LMNB2: variants seen among roughly 807,000 people sequenced by gnomAD.
LMNB2 encodes the protein lamin-B2.
A neutral mutation model predicts 69.3 loss-of-function variants in LMNB2; 17 were observed. The observed-to-expected ratio is 0.25, with a 90% CI of 0.17 to 0.37. The LOEUF (loss-of-function observed/expected upper bound fraction) is 0.37. LMNB2 is among the 10% of genes least tolerant of loss of function. The pLI, the probability that LMNB2 is intolerant of heterozygous loss-of-function variation, is 1.00. For synonymous variants in LMNB2, 397 were observed against 389.3 expected (o/e 1.02, Z -0.23); for missense variants, 789 against 883.6 (o/e 0.89, Z 1.36).
chr19:2,431,970 G>A, intron 9 of LMNB2, 68 bp from the exon 10 acceptor site: 1 of 1,550,304 alleles, frequency 6.5e-7, no homozygotes, highest in Non-Finnish European at 8.7e-7. Context: ...CCAGCCAGTG[G>A]CCCCTACCAC....
chr19:2,440,310 C>T (rs530617057), intron 2 of LMNB2, among the ~76,000 whole-genome samples: 194 of 151,900 alleles, frequency 1.3e-3, no homozygotes, highest in Non-Finnish European at 2.2e-3. Flanking sequence ...CCTCCCTCAG[C>T]CTCCCAAGTA....
At chr19:2,451,562 G>A (rs1455879920) in intron 1 of LMNB2, among the ~76,000 whole-genome samples, 2 of 152,266 alleles carry the variant, frequency 1.3e-5, no homozygotes, top group East Asian at 1.9e-4. Context: ...GGGGCAGGAC[G>A]GCCTCCTTGT....
At chr19:2,447,000 C>T (rs1436629894) in intron 1 of LMNB2, among the ~76,000 whole-genome samples, 1 of 151,830 alleles carries the variant, frequency 6.6e-6, no homozygotes, top group East Asian at 1.9e-4. Context: ...AAAAATTAGC[C>T]AGGCGTGGTG....
chr19:2,439,238 C>T (rs1360354556), intron 2 of LMNB2, among the ~76,000 whole-genome samples: 4 of 151,966 alleles, frequency 2.6e-5, no homozygotes, highest in Admixed American at 2.0e-4. Flanking sequence ...ATTTTACCCC[C>T]TCCCGACAGG....
In LMNB2 at chr19:2,431,910, C is replaced by T. The variant is rs768411938; in HGVS notation, c.1591-8G>A. The T allele has an allele frequency of 1.6e-5, 25 of 1,609,022 alleles. No individual in the cohort carries two copies. The highest frequency in any genetic ancestry group is 2.1e-5 in the Non-Finnish European group (25 of 1,179,558). On this transcript the variant is annotated splice_polypyrimidine_tract_variant and splice_region_variant and intron_variant, in intron 9 of 11. Coordinates refer to ENST00000325327, the MANE Select transcript of LMNB2 (RefSeq NM_032737.4). ...CGCACCAGCTGCCCACACCTGAGGACCCAATAACAATGGCCCCATCAGGGT... is the reference window on the plus strand; with the variant it reads ...CGCACCAGCTGCCCACACCTGAGGATCCAATAACAATGGCCCCATCAGGGT...
At chr19:2,451,937 G>A (rs1286329763) in intron 1 of LMNB2, among the ~76,000 whole-genome samples, 1 of 151,720 alleles carries the variant, frequency 6.6e-6, no homozygotes, top group Non-Finnish European at 1.5e-5. Context: ...CGGGGCAGGG[G>A]AAGACAGAAG....
intron 2 of LMNB2, among the ~76,000 whole-genome samples, chr19:2,444,198 T>C (rs1283088853): frequency 6.6e-6 from 1 of 152,204 alleles, no homozygotes; most frequent in Non-Finnish European, 1.5e-5. Flanking sequence ...CTGCGCTTCC[T>C]GCTGTCCGAT....
At chr19:2,454,310 AAAAG>A (rs1482781288) in intron 1 of LMNB2, among the ~76,000 whole-genome samples, 2 of 151,068 alleles carry the variant, frequency 1.3e-5, no homozygotes, top group Non-Finnish European at 3.0e-5. Flanking sequence ...AAAAAAAAAA[AAAAG>A]AAAGAAAAGC....
chr19:2,436,140 C>T (rs982493992), intron 4 of LMNB2, among the ~76,000 whole-genome samples: 1 of 151,738 alleles, frequency 6.6e-6, no homozygotes, highest in African/African-American at 2.4e-5. Context: ...AAAAATTAGT[C>T]GGGTTGGTGG....
chr19:2,442,070 G>A (rs1455323799), intron 2 of LMNB2, among the ~76,000 whole-genome samples: 1 of 152,196 alleles, frequency 6.6e-6, no homozygotes, highest in African/African-American at 2.4e-5. Context: ...CTGGGTGCCC[G>A]GGGTTTTGTG....
Position 2,450,121 on chromosome 19 carries a change from CAT to C in LMNB2, c.265-5583_265-5582del, listed in dbSNP as rs944605865. ...ATATACATATACATATATATATACA[CAT>C]ATATATATATATTCCATTAAAACAT... is the stretch of plus-strand genomic sequence containing the variant. On this transcript the variant is annotated intron_variant, in intron 1 of 11. Coordinates refer to ENST00000325327, the MANE Select transcript of LMNB2 (RefSeq NM_032737.4). Among the ~76,000 whole-genome samples, 466 of 142,384 alleles carry C rather than the reference CAT, an allele frequency of 3.3e-3. 1 individual carries two copies. Among genetic ancestry groups the C allele is most frequent in the African/African-American group, 0.011 (410 of 38,220 alleles). 93.4% of individuals were successfully genotyped at this position (142,384 alleles called of 152,430 possible). A position where few individuals can be genotyped will look rare whatever the true frequency, so the allele number is the denominator to read the frequency against.
At chr19:2,434,752 CA>C (rs767783036) in intron 6 of LMNB2, 35 bp downstream of exon 6, 15 of 1,582,982 alleles carry the variant, frequency 9.5e-6, no homozygotes, top group Non-Finnish European at 1.2e-5. Context: ...GAAGTTGGGC[CA>C]GGGGGACGGC....
chr19:2,449,200 T>C (rs372074806), intron 1 of LMNB2, among the ~76,000 whole-genome samples: 9 of 152,310 alleles, frequency 5.9e-5, no homozygotes, highest in Admixed American at 3.3e-4. Context: ...CCCAGCCCTT[T>C]CTCGTGTTTA....
At chr19:2,435,207 C>T in intron 4 of LMNB2, 36 bp from the exon 5 acceptor site, 1 of 1,596,300 alleles carries the variant, frequency 6.3e-7, no homozygotes, top group East Asian at 2.2e-5. Context: ...CTGGTCCCGC[C>T]TGGGCCCCAA....
At chr19:2,454,538 G>A (rs11880739) in intron 1 of LMNB2, among the ~76,000 whole-genome samples, 3 of 152,092 alleles carry the variant, frequency 2.0e-5, no homozygotes, top group African/African-American at 7.2e-5. Context: ...GAGAGGGTAA[G>A]CGACTAGCCC....
At position 2,453,441 on chromosome 19, in the gene LMNB2, C is replaced by T. The variant is rs982335297; in HGVS notation, c.264+3229G>A. On this transcript the variant is annotated intron_variant, in intron 1 of 11. Coordinates refer to ENST00000325327, the MANE Select transcript of LMNB2 (RefSeq NM_032737.4). The surrounding 1 kb of genome is among the most constrained non-coding windows in gnomAD (Gnocchi z 4.4). ...TTCCAGGTCACTCCCTCCATGTGGG[C>T]CCACATGACGTCCCCCCACCAGCGG... Among the ~76,000 whole-genome samples, 20 of 151,852 alleles carry T rather than the reference C, an allele frequency of 1.3e-4. No individual in the cohort carries two copies. Among genetic ancestry groups the T allele is most frequent in the African/African-American group, 4.8e-4 (20 of 41,320 alleles).
intron 1 of LMNB2, among the ~76,000 whole-genome samples, chr19:2,449,082 A>G (rs191766254): frequency 1.3e-5 from 2 of 152,068 alleles, no homozygotes; most frequent in African/African-American, 4.8e-5. Context: ...TTTTTTTAAG[A>G]GATGGGGTCT....
rs1971705806 is a variant in LMNB2 at position 2,429,459 on chromosome 19, T to C, written c.*1452A>G. ...GGCTACGTGGAGCAGCGGGTGTTTC[T>C]GCTTTGTCGGCCGCTGGCTCCTTCC... On this transcript the variant is annotated 3_prime_UTR_variant, in exon 12 of 12. Coordinates refer to ENST00000325327, the MANE Select transcript of LMNB2 (RefSeq NM_032737.4). 1 of 152,288 alleles carries C rather than the reference T, an allele frequency of 6.6e-6. No individual in the cohort carries two copies. Among genetic ancestry groups the C allele is most frequent in the Non-Finnish European group, 1.5e-5 (1 of 68,064 alleles). 9.4% of individuals were successfully genotyped at this position (152,288 alleles called of 1,614,324 possible).
At chr19:2,432,357 CCTGA>C in intron 9 of LMNB2, 55 bp downstream of exon 9, 1 of 1,344,710 alleles carries the variant, frequency 7.4e-7, no homozygotes, top group Non-Finnish European at 1.1e-6. Context: ...CCTCCAGTCC[CCTGA>C]CCCCACCTCA....
Sources: gnomAD v4.1 joint callset for allele counts (sites outside exome capture counted in the v4.1 genomes callset) on GRCh38, gnomAD v4.1.1 for gene constraint, Gnocchi (gnomAD v3.1) non-coding constraint, MANE v1.5 for transcripts, NCBI Gene and HGNC (gene_info 2026-07-23, HGNC 2026-07-21) for gene names.